Variants in LCORL observed in about 807,000 individuals in gnomAD.
The protein encoded by LCORL is ligand dependent nuclear receptor corepressor like.
LCORL carries 41 observed loss-of-function variants against 141.8 expected under a neutral mutation model. The observed-to-expected ratio is 0.29, with a 90% confidence interval of 0.23 to 0.38. The LOEUF is 0.38. Among genes scored for constraint, LCORL ranks in the 10% least tolerant of loss-of-function variants. LCORL has a pLI of 1.00. For synonymous variants in LCORL, 618 were observed against 694.1 expected (o/e 0.89, Z 1.72); for missense variants, 1,759 against 2,035.0 (o/e 0.86, Z 2.61).
At chr4:17,883,574 CTG>C (rs1727861214) in intron 6 of LCORL, 2 of 1,343,332 alleles carry the variant, frequency 1.5e-6, no homozygotes, top group Non-Finnish European at 1.9e-6. Flanking sequence ...GGTTTTTGAA[CTG>C]TAAAATTTCA....
intron 4 of LCORL, among the ~76,000 whole-genome samples, chr4:17,956,988 G>T (rs2109572855): frequency 6.6e-6 from 1 of 152,076 alleles, no homozygotes; most frequent in Non-Finnish European, 1.5e-5. Context: ...TCAGAAAAAG[G>T]GATAGGTAAA....
exon 8 of LCORL, chr4:17,842,181 C>T: frequency 1.5e-6 from 1 of 688,858 alleles, no homozygotes; most frequent in Non-Finnish European, 2.5e-6. Context: ...ATGGCTAGAA[C>T]AAGTAGGAGA....
intron 1 of LCORL, among the ~76,000 whole-genome samples, chr4:18,011,637 T>A (rs974684933): frequency 1.3e-5 from 2 of 152,222 alleles, no homozygotes; most frequent in African/African-American, 4.8e-5. Flanking sequence ...TCCTGCTGTA[T>A]CCTTTATCCC....
rs920301409 is a variant in LCORL, at chr4:17,979,341, G to C, written c.155-6456C>G. Among the ~76,000 whole-genome samples, 7 of 152,186 alleles carry C rather than the reference G, an allele frequency of 4.6e-5. No homozygotes were observed. In the East Asian group the frequency reaches 1.3e-3, roughly 29 times the overall value. On this transcript the variant is annotated intron_variant, in intron 1 of 7. Transcript: ENST00000635767. Reference sequence around the variant, plus strand: ...CCACTGTCTGTGCATATATGGTCCAGTTTCCTAGCTGTCTACAGGAGAAGA... The same window carrying C: ...CCACTGTCTGTGCATATATGGTCCACTTTCCTAGCTGTCTACAGGAGAAGA...
At chr4:17,897,566 A>G (rs1365583546) in intron 5 of LCORL, among the ~76,000 whole-genome samples, 1 of 152,166 alleles carries the variant, frequency 6.6e-6, no homozygotes, top group Non-Finnish European at 1.5e-5. Flanking sequence ...TAATTTTCAC[A>G]GTAAAGAACT....
exon 8 of LCORL, chr4:17,843,538 C>A: frequency 8.4e-7 from 1 of 1,189,876 alleles, no homozygotes; most frequent in Non-Finnish European, 1.2e-6. Flanking sequence ...TGAAGATTTT[C>A]TGCTGTGCGC....
intron 4 of LCORL, chr4:17,912,521 G>C (rs570132029): frequency 2.3e-5 from 11 of 487,834 alleles, no homozygotes; most frequent in African/African-American, 1.6e-4. Flanking sequence ...TCAGCAGATT[G>C]AGGAGAGCAC....
chr4:17,912,945 C>T (rs16898678), intron 4 of LCORL: 20,052 of 462,766 alleles, frequency 0.043, 1,320 homozygotes, highest in African/African-American at 0.22. Context: ...AAGTGGTGCC[C>T]GAGACCAGTG....
chr4:17,929,460 C>T (rs540217463), intron 4 of LCORL, among the ~76,000 whole-genome samples: 25 of 152,148 alleles, frequency 1.6e-4, no homozygotes, highest in African/African-American at 3.9e-4. Context: ...CAAACATAAA[C>T]GCACTCATAT....
intron 1 of LCORL, among the ~76,000 whole-genome samples, chr4:17,984,919 G>A (rs1292046465): frequency 2.0e-5 from 3 of 152,078 alleles, no homozygotes; most frequent in Non-Finnish European, 4.4e-5. Context: ...TCTTAACACT[G>A]TCTTAGTTGT....
intron 4 of LCORL, among the ~76,000 whole-genome samples, chr4:17,925,117 A>G (rs1397582932): frequency 6.6e-6 from 1 of 152,174 alleles, no homozygotes; most frequent in East Asian, 1.9e-4. Context: ...CAATTATTCC[A>G]TGAAACTGGA....
At position 17,884,813 on chromosome 4, in the gene LCORL, G is replaced by A; in HGVS notation, c.776+1255C>T. On this transcript the variant is annotated intron_variant, in intron 6 of 7. Coordinates refer to ENST00000635767, the Ensembl canonical transcript of LCORL. This position sits in a 1 kb window ranked among gnomAD's most constrained non-coding sequence, Gnocchi z 4.4. Reference sequence around the variant, plus strand: ...CATGAGAGACTCTCACACAGCTATGGAAGGGGAGGGTCCACTCCTTTATTA... The same window carrying A: ...CATGAGAGACTCTCACACAGCTATGAAAGGGGAGGGTCCACTCCTTTATTA... 1.1e-6 allele frequency: 1 copy of A among 908,426 alleles called. No individual in the cohort carries two copies. The highest frequency in any genetic ancestry group is 1.6e-6 in the Non-Finnish European group (1 of 624,440). 56.3% of individuals were successfully genotyped at this position (908,426 alleles called of 1,614,324 possible). A position where few individuals can be genotyped will look rare whatever the true frequency, so the allele number is the denominator to read the frequency against.
intron 1 of LCORL, among the ~76,000 whole-genome samples, chr4:17,973,472 T>C (rs1716365665): frequency 6.6e-6 from 1 of 151,934 alleles, no homozygotes; most frequent in Non-Finnish European, 1.5e-5. Flanking sequence ...AGTTTATGCA[T>C]TTCCCAAGTA....
chr4:17,991,189 C>T (rs529376405), intron 1 of LCORL, among the ~76,000 whole-genome samples: 76 of 152,218 alleles, frequency 5.0e-4, no homozygotes, highest in African/African-American at 1.8e-3. Flanking sequence ...ACTAGTTAAT[C>T]CTCCACTCTA....
At chr4:17,982,100 G>GTGTT (rs2109727121) in intron 1 of LCORL, among the ~76,000 whole-genome samples, 1 of 3,634 alleles carries the variant, frequency 2.8e-4, no homozygotes, top group South Asian at 0.024. Context: ...GTATTCCATC[G>GTGTT]TGTGTGTGTG....
Position 17,884,011 on chromosome 4 carries a change from T to A in LCORL, c.776+2057A>T, listed in dbSNP as rs758790284. ...GCTGCTTACTGTCTTTTCGATCTAA[T>A]CCATCTTCAGTATTTTCAGAGGTTC... On this transcript the variant is annotated intron_variant, in intron 6 of 7. Coordinates refer to ENST00000635767, the Ensembl canonical transcript of LCORL. The surrounding 1 kb of genome is among the most constrained non-coding windows in gnomAD (Gnocchi z 4.4). The A allele has an allele frequency of 8.4e-6, 13 of 1,550,798 alleles. No individual in the cohort carries two copies. Among genetic ancestry groups the A allele is most frequent in the Non-Finnish European group, 1.0e-5 (12 of 1,146,442 alleles).
chr4:17,911,670 C>G (rs1290348953), intron 4 of LCORL: 1 of 495,332 alleles, frequency 2.0e-6, no homozygotes, highest in African/African-American at 2.0e-5. Context: ...CCTCCCTGGA[C>G]AGCATGAGCT....
chr4:17,878,241 A>T (rs1333632614), intron 6 of LCORL, 28 bp from the exon 7 acceptor site: 1 of 1,221,382 alleles, frequency 8.2e-7, no homozygotes, highest in Non-Finnish European at 1.0e-6. Flanking sequence ...ACAAAAAATG[A>T]ATTGCAGCAA....
intron 5 of LCORL, among the ~76,000 whole-genome samples, chr4:17,892,852 G>A (rs1252952227): frequency 6.6e-6 from 1 of 152,060 alleles, no homozygotes; most frequent in East Asian, 1.9e-4. Context: ...ACATTTTAAA[G>A]AACATGTTCT....
Sources: allele counts gnomAD v4.1 joint callset (sites outside exome capture counted in the v4.1 genomes callset), GRCh38; gene constraint gnomAD v4.1.1; non-coding constraint Gnocchi (gnomAD v3.1); transcripts MANE v1.5; gene names NCBI Gene and HGNC (gene_info 2026-07-23, HGNC 2026-07-21).